Variants in TPR observed in about 807,000 individuals in gnomAD.
The protein encoded by TPR is nucleoprotein TPR.
In TPR, 51 loss-of-function variants were observed where a neutral mutation model predicts 316.1. The observed-to-expected ratio is 0.16, with a 90% CI of 0.13 to 0.20. The LOEUF (loss-of-function observed/expected upper bound fraction) is 0.20, where lower values mean the gene tolerates loss of function less well. Ranked by LOEUF, TPR falls within the 10% of genes least tolerant of loss-of-function variation. The pLI is 1.00. For missense variants in TPR, 2,272 were observed against 2,754.8 expected (o/e 0.82, Z 3.92); for synonymous variants, 981 against 914.7 (o/e 1.07, Z -1.31).
intron 23 of TPR, 98 bp downstream of exon 23, chr1:186,346,037 T>C (rs1475984701): frequency 7.2e-7 from 1 of 1,384,754 alleles, no homozygotes; most frequent in Non-Finnish European, 9.7e-7. Context: ...GTTCAATAAA[T>C]TTCTGTTGAG....
At chr1:186,328,693 C>T (rs765208234) in intron 39 of TPR, among the ~76,000 whole-genome samples, 6 of 152,172 alleles carry the variant, frequency 3.9e-5, no homozygotes, top group Non-Finnish European at 8.8e-5. Flanking sequence ...AAGTTAGTAT[C>T]ATTGTCCTTT....
intron 20 of TPR, 89 bp from the exon 21 acceptor site, chr1:186,350,477 C>A: frequency 1.0e-6 from 1 of 989,110 alleles, no homozygotes; most frequent in Admixed American, 3.5e-5. Context: ...TGGAGCTCGG[C>A]CAAGAGAGTA....
chr1:186,359,649 G>T, intron 12 of TPR, 150 bp downstream of exon 12: 1 of 718,188 alleles, frequency 1.4e-6, no homozygotes, highest in Non-Finnish European at 2.2e-6. Flanking sequence ...GACGTTTTGA[G>T]ATCAGCAGTG....
Position 186,351,351 on chromosome 1 carries a change from A to G in TPR, c.2589T>C (p.His863=), listed in dbSNP as rs745466448. ...TCACATCTAGATTTCTAGTAAGTGT[A>G]TGCCTTTGTTCCACCTCATTTTCCA... ...KKLENEVEQR[H]TLTRNLDVQL... Residue 863 remains histidine (H), a synonymous_variant, in exon 20 of 51, where the codon CAT becomes CAC. Coordinates refer to ENST00000367478, the MANE Select transcript of TPR (RefSeq NM_003292.3). The G allele has an allele frequency of 1.2e-6, 2 of 1,611,014 alleles. No individual in the cohort carries two copies. The highest frequency in any genetic ancestry group is 1.7e-6 in the Non-Finnish European group (2 of 1,178,746).
At chr1:186,365,252 C>T (rs1026185663) in intron 4 of TPR, among the ~76,000 whole-genome samples, 16 of 152,022 alleles carry the variant, frequency 1.1e-4, no homozygotes, top group South Asian at 4.1e-4. Flanking sequence ...CCTACCACCA[C>T]GCCCAGCTAA....
intron 13 of TPR, among the ~76,000 whole-genome samples, 180 bp downstream of exon 13, chr1:186,358,363 T>C (rs1659087397): frequency 1.3e-5 from 2 of 152,034 alleles, no homozygotes; most frequent in Non-Finnish European, 2.9e-5. Flanking sequence ...TTATCAAACA[T>C]TTGAAAAAAG....
At position 186,313,810 on chromosome 1, in the gene TPR, A is replaced by G. The variant is rs747051984; in HGVS notation, c.*161T>C. On this transcript the variant is annotated 3_prime_UTR_variant, in exon 51 of 51. Coordinates refer to ENST00000367478, the MANE Select transcript of TPR (RefSeq NM_003292.3). ...GAGCAAAGGAGGAGTCAACTAATGA[A>G]GAAATGAATAATAAATTTTGACACT... The G allele has an allele frequency of 4.6e-6, 7 of 1,532,832 alleles. No individual in the cohort carries two copies. In the African/African-American group the frequency reaches 9.6e-5, roughly 21 times the overall value. 95.0% of individuals were successfully genotyped at this position (1,532,832 alleles called of 1,614,324 possible). A position where few individuals can be genotyped will look rare whatever the true frequency, so the allele number is the denominator to read the frequency against.
In TPR at chr1:186,358,672, G is replaced by A; in HGVS notation, c.1390-22C>T. The A allele has an allele frequency of 1.9e-6, 3 of 1,600,442 alleles. No individual in the cohort carries two copies. In the South Asian group the frequency reaches 3.4e-5, roughly 18 times the overall value. On this transcript the variant is annotated intron_variant, in intron 12 of 50. Transcript: ENST00000367478. ...TCTCCTTTAAAATGTAAATTCAAGTGAAAATTTTGTACTTCCTTCTAGGAT... is the reference window on the plus strand; with the variant it reads ...TCTCCTTTAAAATGTAAATTCAAGTAAAAATTTTGTACTTCCTTCTAGGAT...
chr1:186,359,901 T>C lies in TPR; in HGVS notation c.1287A>G (p.Glu429=). The change falls in exon 12 of 51, where the codon GAA becomes GAG. Residue 429 remains glutamate (E), a synonymous_variant. Transcript: ENST00000367478. ...INKYLDEIVK[E]VEAKAPILKR... is the part of the protein sequence containing the mutation. ...TCAAAATTGGTGCTTTGGCTTCCAC[T>C]TCTTTCACTATTTCATCTAGGTACT... 6.2e-7 allele frequency: 1 copy of C among 1,607,898 alleles called. No homozygotes were observed. Among genetic ancestry groups the C allele is most frequent in the Non-Finnish European group, 8.5e-7 (1 of 1,178,466 alleles).
chr1:186,361,478 C>A, intron 9 of TPR, 144 bp downstream of exon 9: 2 of 673,458 alleles, frequency 3.0e-6, no homozygotes, highest in Non-Finnish European at 4.8e-6. Context: ...TCTGAATTTC[C>A]TAATCCAAAG....
chr1:186,364,107 A>T (rs1659268038), intron 4 of TPR, among the ~76,000 whole-genome samples: 1 of 152,126 alleles, frequency 6.6e-6, no homozygotes, highest in South Asian at 2.1e-4. Flanking sequence ...CATATTTGTC[A>T]TTGTGTTTAG....
At chr1:186,320,629 C>T (rs946411452) in intron 45 of TPR, among the ~76,000 whole-genome samples, 2 of 152,114 alleles carry the variant, frequency 1.3e-5, no homozygotes, top group African/African-American at 4.8e-5. Flanking sequence ...ATAAGAATAA[C>T]CTGTGATTTA....
Position 186,355,393 on chromosome 1 carries a change from A to C in TPR, c.2171+17T>G, listed in dbSNP as rs779176384. The C allele has an allele frequency of 1.3e-6, 2 of 1,597,926 alleles. No individual in the cohort carries two copies. The highest frequency in any genetic ancestry group is 2.2e-5 in the East Asian group (1 of 44,770). On this transcript the variant is annotated intron_variant, in intron 17 of 50. Coordinates refer to ENST00000367478, the MANE Select transcript of TPR (RefSeq NM_003292.3). ...TAACATTTAGACTTAATTAATTTGA[A>C]ACAAAAGAAAACTTACCGTTTAGAA...
intron 46 of TPR, 72 bp downstream of exon 46, chr1:186,320,240 C>A: frequency 7.7e-7 from 1 of 1,293,780 alleles, no homozygotes; most frequent in Non-Finnish European, 1.0e-6. Context: ...TTTTTCCCCC[C>A]TTAAATCACA....
At position 186,338,256 on chromosome 1, in the gene TPR, G is replaced by A. The variant is rs1420196596; in HGVS notation, c.4152-13C>T. 6.3e-7 allele frequency: 1 copy of A among 1,583,410 alleles called. No homozygotes were observed. The highest frequency in any genetic ancestry group is 8.6e-7 in the Non-Finnish European group (1 of 1,165,712). On this transcript the variant is annotated splice_polypyrimidine_tract_variant and intron_variant, in intron 30 of 50. Transcript: ENST00000367478. ...AGATGCATTTGATCTTTAAAAAATG[G>A]AGGAAAGAAGAAAGATTAAATATAT...
chr1:186,348,771 C>T (rs1198936379), intron 21 of TPR, among the ~76,000 whole-genome samples: 1 of 152,126 alleles, frequency 6.6e-6, no homozygotes, highest in Non-Finnish European at 1.5e-5. Flanking sequence ...GGGGTGTGTT[C>T]TCCCAATAAT....
At chr1:186,331,368 C>A (rs1342803001) in intron 39 of TPR, 130 bp downstream of exon 39, 4 of 592,740 alleles carry the variant, frequency 6.7e-6, no homozygotes, top group Non-Finnish European at 1.2e-5. Context: ...ATGATTAATT[C>A]TAGTAGTATT....
intron 17 of TPR, among the ~76,000 whole-genome samples, chr1:186,354,119 T>C (rs994812023): frequency 6.6e-6 from 1 of 152,182 alleles, no homozygotes; most frequent in Admixed American, 6.5e-5. Context: ...AAATGAGCGC[T>C]GGCAGCAAGC....
chr1:186,351,293 A>G (rs1369191903), intron 20 of TPR, 37 bp downstream of exon 20: 2 of 1,565,178 alleles, frequency 1.3e-6, no homozygotes, highest in Non-Finnish European at 1.7e-6. Context: ...ACTGAACATA[A>G]ACACCCTACA....
Sources: gnomAD v4.1 joint callset for allele counts (sites outside exome capture counted in the v4.1 genomes callset) on GRCh38, gnomAD v4.1.1 for gene constraint, MANE v1.5 for transcripts, NCBI Gene and HGNC (gene_info 2026-07-23, HGNC 2026-07-21) for gene names.